The following EDEM1 variants were observed in gnomAD, a reference collection of about 807,000 sequenced individuals.
EDEM1 encodes ER degradation enhancing alpha-mannosidase like protein 1, also known as ER degradation-enhancing alpha-mannosidase-like protein 1.
Under a neutral mutation model 74.4 loss-of-function variants are expected in EDEM1, and 67 were observed. The observed-to-expected ratio is 0.90, with a 90% confidence interval of 0.74 to 1.10. The LOEUF is 1.10. EDEM1 is among the 50% of genes least tolerant of loss of function. The pLI is 0.00. For synonymous variants in EDEM1, 382 were observed against 335.9 expected, an observed-to-expected ratio of 1.14 and a Z score of -1.50; for missense variants, 926 against 851.6, an observed-to-expected ratio of 1.09 and a Z score of -1.09.
At chr3:5,196,483 C>CACACACAA (rs1384739421) in intron 2 of EDEM1, among the ~76,000 whole-genome samples, 19 of 151,582 alleles carry the variant, frequency 1.3e-4, no homozygotes, top group African/African-American at 4.6e-4. Context: ...CACACACACA[C>CACACACAA]AAGAATTGGG....
At chr3:5,206,492 CA>C (rs1470826556) in intron 6 of EDEM1, among the ~76,000 whole-genome samples, 1 of 152,118 alleles carries the variant, frequency 6.6e-6, no homozygotes, top group Non-Finnish European at 1.5e-5. Flanking sequence ...AGGTGTGAGC[CA>C]CCACACCTGG....
At chr3:5,208,348 A>C in intron 8 of EDEM1, 85 bp downstream of exon 8, 4 of 1,492,640 alleles carry the variant, frequency 2.7e-6, no homozygotes, top group Non-Finnish European at 3.6e-6. Context: ...TTGCTGAGTG[A>C]TTTAGGGTTA....
Position 5,219,359 on chromosome 3 carries a change from T to G in EDEM1, c.*3441T>G, listed in dbSNP as rs527570598. The stretch of plus-strand genomic sequence containing the variant: ...CCACAGGGTGGCTGAGCAGGAACTT[T>G]AGAAGAAAATCCTGAGCTTTCCTGT... On this transcript the variant is annotated 3_prime_UTR_variant, in exon 12 of 12. Transcript: ENST00000256497. 2.0e-5 allele frequency: 3 copies of G among 152,326 alleles called. No homozygotes were observed. Among genetic ancestry groups the G allele is most frequent in the East Asian group, 3.9e-4 (2 of 5,182 alleles). The allele number at this position is 152,326 out of a possible 1,614,324, so 9.4% of individuals were successfully genotyped here.
At chr3:5,201,716 C>T (rs757996149) in intron 3 of EDEM1, 37 bp from the exon 4 acceptor site, 1 of 1,610,910 alleles carries the variant, frequency 6.2e-7, no homozygotes, top group Non-Finnish European at 8.5e-7. Flanking sequence ...TTACAAGCAA[C>T]ACGATTGTAT....
rs2055266372 is a variant in EDEM1, at chr3:5,218,331, G to A, written c.*2413G>A. On this transcript the variant is annotated 3_prime_UTR_variant, in exon 12 of 12. Coordinates refer to ENST00000256497, the MANE Select transcript of EDEM1 (RefSeq NM_014674.3). ...GGGGCTGGATGCCAGAAGGTTCTTT[G>A]AGCCAGTTTCAAAGGTTACTTGTTT... is the stretch of plus-strand genomic sequence containing the variant. 6.6e-6 allele frequency: 1 copy of A among 151,122 alleles called. No homozygotes were observed. The highest frequency in any genetic ancestry group is 6.6e-5 in the Admixed American group (1 of 15,182). The allele number at this position is 151,122 out of a possible 1,614,324, so 9.4% of individuals were successfully genotyped here.
intron 11 of EDEM1, among the ~76,000 whole-genome samples, chr3:5,215,113 G>A (rs571727185): frequency 6.6e-6 from 1 of 152,128 alleles, no homozygotes; most frequent in African/African-American, 2.4e-5. Flanking sequence ...GGACCGGCCA[G>A]TCTTGATCTT....
At position 5,215,989 on chromosome 3, in the gene EDEM1, C is replaced by G. The variant is rs1449023015; in HGVS notation, c.*71C>G. 3.4e-5 allele frequency: 45 copies of G among 1,336,348 alleles called. No individual in the cohort carries two copies. The highest frequency in any genetic ancestry group is 4.3e-5 in the Non-Finnish European group (41 of 948,066). 82.8% of individuals were successfully genotyped at this position (1,336,348 alleles called of 1,614,324 possible). On this transcript the variant is annotated 3_prime_UTR_variant, in exon 12 of 12. Transcript: ENST00000256497. Reference sequence around the variant, plus strand: ...AACCCAGACCATGCCAAAGTCCAGTCTGAAATGAAAGGGGACAGAAGTCTT... The same window carrying G: ...AACCCAGACCATGCCAAAGTCCAGTGTGAAATGAAAGGGGACAGAAGTCTT...
At chr3:5,193,887 C>T (rs188508478) in intron 1 of EDEM1, among the ~76,000 whole-genome samples, 73 of 152,322 alleles carry the variant, frequency 4.8e-4, no homozygotes, top group Non-Finnish European at 5.9e-4. Context: ...CGTGAGCCAC[C>T]GCACCCAGCC....
intron 10 of EDEM1, among the ~76,000 whole-genome samples, chr3:5,213,073 G>A (rs1456163408): frequency 6.6e-6 from 1 of 152,180 alleles, no homozygotes; most frequent in Non-Finnish European, 1.5e-5. Flanking sequence ...GAGTCTCTGC[G>A]TCTGGGCAGG....
chr3:5,190,312 C>T (rs895840578), intron 1 of EDEM1, among the ~76,000 whole-genome samples: 7 of 152,204 alleles, frequency 4.6e-5, no homozygotes, highest in African/African-American at 1.7e-4. Flanking sequence ...CAGACTGTTT[C>T]TCAGATTACC....
At chr3:5,207,372 T>C in intron 7 of EDEM1, 99 bp downstream of exon 7, 1 of 1,527,288 alleles carries the variant, frequency 6.5e-7, no homozygotes, top group South Asian at 1.3e-5. Flanking sequence ...CTCTGTCTCC[T>C]TTGGATTTGG....
In EDEM1 at chr3:5,204,861, A is replaced by G. The variant is rs148398050; in HGVS notation, c.1043-206A>G. Among the ~76,000 whole-genome samples the G allele has an allele frequency of 3.3e-5, 5 of 152,350 alleles. No individual in the cohort carries two copies. The East Asian group carries it at 9.6e-4, about 29-fold the overall frequency. On this transcript the variant is annotated intron_variant, in intron 5 of 11. Transcript: ENST00000256497. ...AAATGTTTATCCCCATGTTTGTGTC[A>G]GTAAATGCTATATATTTAGAAGATG... is the stretch of plus-strand genomic sequence containing the variant.
rs1416181352 is a variant in EDEM1 at position 5,216,096 on chromosome 3, T to C, written c.*178T>C. ...CTTGCACACTTCAGTGTTTCTCTCC[T>C]GTTCAATAAAATGCCCTGTTAAGGA... On this transcript the variant is annotated 3_prime_UTR_variant, in exon 12 of 12. Transcript: ENST00000256497. 2 of 558,184 alleles carry C rather than the reference T, an allele frequency of 3.6e-6. No individual in the cohort carries two copies. Among genetic ancestry groups the C allele is most frequent in the African/African-American group, 1.9e-5 (1 of 51,412 alleles). 34.6% of individuals were successfully genotyped at this position (558,184 alleles called of 1,614,324 possible).
At chr3:5,211,861 C>G (rs914270551) in intron 10 of EDEM1, among the ~76,000 whole-genome samples, 2 of 152,202 alleles carry the variant, frequency 1.3e-5, no homozygotes, top group Non-Finnish European at 2.9e-5. Flanking sequence ...GACTCCCTGT[C>G]TGGTGCTCTT....
Position 5,215,856 on chromosome 3 carries a change from TA to T in EDEM1, c.1913del (p.Tyr638SerfsTer5). Reference sequence around the variant, plus strand: ...CAATCGTGTACCTGATGAGAGGAGGTACTCCCTGCCCTTAAAGAGCATCTAC... The same window carrying T: ...CAATCGTGTACCTGATGAGAGGAGGTCTCCCTGCCCTTAAAGAGCATCTAC... ...NCNRVPDERR[Y>X]SLPLKSIYMR... On this transcript the variant is annotated frameshift_variant, in exon 12 of 12. Transcript: ENST00000256497. LOFTEE classifies it high-confidence loss of function. 1 of 1,612,908 alleles carries T rather than the reference TA, an allele frequency of 6.2e-7. No individual in the cohort carries two copies. The highest frequency in any genetic ancestry group is 8.5e-7 in the Non-Finnish European group (1 of 1,179,562).
chr3:5,208,799 A>G (rs1403780167), intron 8 of EDEM1, among the ~76,000 whole-genome samples: 1 of 151,610 alleles, frequency 6.6e-6, no homozygotes, highest in African/African-American at 2.4e-5. Context: ...ATATATATGT[A>G]ATAGTGTTCA....
At position 5,216,782 on chromosome 3, in the gene EDEM1, G is replaced by A. The variant is rs2055242579; in HGVS notation, c.*864G>A. 6.6e-6 allele frequency: 1 copy of A among 152,626 alleles called. No homozygotes were observed. Among genetic ancestry groups the A allele is most frequent in the Admixed American group, 6.5e-5 (1 of 15,278 alleles). The allele number at this position is 152,626 out of a possible 1,614,324, so 9.5% of individuals were successfully genotyped here. ...CATTTTGAATATGAACTTACCTGAG[G>A]AACTCCCATAGTTCCAGAATCAGGT... is the stretch of plus-strand genomic sequence containing the variant. On this transcript the variant is annotated 3_prime_UTR_variant, in exon 12 of 12. Transcript: ENST00000256497.
intron 2 of EDEM1, among the ~76,000 whole-genome samples, chr3:5,198,460 C>T (rs2054996097): frequency 6.6e-6 from 1 of 152,098 alleles, no homozygotes; most frequent in African/African-American, 2.4e-5. Context: ...TTTACATAAA[C>T]AGTAGGGCAG....
intron 10 of EDEM1, among the ~76,000 whole-genome samples, chr3:5,211,781 A>G (rs1367503859): frequency 6.6e-6 from 1 of 152,180 alleles, no homozygotes; most frequent in Non-Finnish European, 1.5e-5. Context: ...TACAGCCTAC[A>G]CAGAGGTCAG....
Sources: gnomAD v4.1 joint callset for allele counts (sites outside exome capture counted in the v4.1 genomes callset) on GRCh38, gnomAD v4.1.1 for gene constraint, MANE v1.5 for transcripts, NCBI Gene and HGNC (gene_info 2026-07-23, HGNC 2026-07-21) for gene names.